Variants in GSE1 observed in about 807,000 individuals in gnomAD.
The protein encoded by GSE1 is genetic suppressor element 1.
GSE1 carries 32 observed loss-of-function variants against 112.6 expected under a neutral mutation model. That is an observed-to-expected ratio of 0.28 (90% CI 0.21 to 0.38). The LOEUF (loss-of-function observed/expected upper bound fraction) is 0.38, where lower values mean the gene tolerates loss of function less well. GSE1 is among the 10% of genes least tolerant of loss of function. GSE1 has a pLI of 1.00. For synonymous variants in GSE1, 1,115 were observed against 735.6 expected (o/e 1.52, Z -8.35); for missense variants, 2,348 against 1,699.2 (o/e 1.38, Z -6.71).
chr16:85,272,942 A>G (rs1044404857), intron 1 of GSE1, among the ~76,000 whole-genome samples: 3 of 152,040 alleles, frequency 2.0e-5, no homozygotes, highest in African/African-American at 7.2e-5. Context: ...ATGCCCGGCT[A>G]ACTTTGTATT....
intron 2 of GSE1, among the ~76,000 whole-genome samples, chr16:85,637,086 G>C (rs1201147384): frequency 1.3e-5 from 2 of 152,216 alleles, no homozygotes; most frequent in Admixed American, 6.5e-5. Flanking sequence ...GCATGATTTG[G>C]TGATTTTCCT....
At chr16:85,365,947 G>A (rs1009959920) in intron 2 of GSE1, among the ~76,000 whole-genome samples, 2 of 152,242 alleles carry the variant, frequency 1.3e-5, no homozygotes, top group Admixed American at 1.3e-4. Context: ...GGGGTTTCAA[G>A]AATCAGAGTC....
chr16:85,302,387 G>C (rs1467711025), intron 1 of GSE1, among the ~76,000 whole-genome samples: 1 of 151,946 alleles, frequency 6.6e-6, no homozygotes, highest in African/African-American at 2.4e-5. Flanking sequence ...GGACCCTAAT[G>C]AATCTCTTGT....
At chr16:85,410,580 T>C (rs1446346589) in intron 2 of GSE1, among the ~76,000 whole-genome samples, 2 of 8,968 alleles carry the variant, frequency 2.2e-4, no homozygotes, top group Non-Finnish European at 2.0e-4. Context: ...TAATCCTCGC[T>C]GTTACACTCA....
intron 1 of GSE1, among the ~76,000 whole-genome samples, chr16:85,266,286 A>C (rs187489634): frequency 6.6e-6 from 1 of 152,262 alleles, no homozygotes; most frequent in South Asian, 2.1e-4. Flanking sequence ...TCTAGCAATG[A>C]GCGAGCTTGA....
intron 2 of GSE1, among the ~76,000 whole-genome samples, chr16:85,480,012 G>C (rs2050621915): frequency 6.6e-6 from 1 of 152,226 alleles, no homozygotes; most frequent in African/African-American, 2.4e-5. Context: ...CGGCCATGAT[G>C]CACGACGGGT....
At chr16:85,455,736 C>G (rs1272935342) in intron 2 of GSE1, among the ~76,000 whole-genome samples, 5 of 152,246 alleles carry the variant, frequency 3.3e-5, no homozygotes, top group African/African-American at 1.2e-4. Flanking sequence ...TTGGGGAGTT[C>G]TGCTCTCAGT....
At chr16:85,361,224 G>A (rs1255455962) in intron 2 of GSE1, among the ~76,000 whole-genome samples, 2 of 109,628 alleles carry the variant, frequency 1.8e-5, no homozygotes. Flanking sequence ...GACGCACACG[G>A]GGCAGAGACA....
At chr16:85,564,356 A>G (rs2045648856) in intron 1 of GSE1, among the ~76,000 whole-genome samples, 1 of 152,182 alleles carries the variant, frequency 6.6e-6, no homozygotes, top group Admixed American at 6.5e-5. Context: ...GGAGCTGGGC[A>G]TGGGGCCATC....
At chr16:85,315,882 G>A (rs1025466200) in intron 1 of GSE1, among the ~76,000 whole-genome samples, 2 of 152,210 alleles carry the variant, frequency 1.3e-5, no homozygotes, top group African/African-American at 4.8e-5. Context: ...GACCAAGCAA[G>A]TGTATCCGCT....
chr16:85,609,397 C>T (rs1049632424), upstream of GSE1, among the ~76,000 whole-genome samples: 1 of 152,246 alleles, frequency 6.6e-6, no homozygotes, highest in Non-Finnish European at 1.5e-5. Flanking sequence ...TCACACCCAG[C>T]TAACCCTGGC....
intron 2 of GSE1, among the ~76,000 whole-genome samples, chr16:85,457,676 A>G (rs2049865584): frequency 6.6e-6 from 1 of 152,166 alleles, no homozygotes; most frequent in African/African-American, 2.4e-5. Flanking sequence ...CCCAGGAAGG[A>G]GACTTGGGGG....
chr16:85,657,694 C>G (rs994712160), intron 8 of GSE1, 90 bp downstream of exon 8: 1 of 818,086 alleles, frequency 1.2e-6, no homozygotes, highest in South Asian at 2.1e-5. Flanking sequence ...GCCCAACATC[C>G]TGCCCCAGCG....
chr16:85,608,997 C>A (rs1319703489), upstream of GSE1, among the ~76,000 whole-genome samples: 1 of 152,220 alleles, frequency 6.6e-6, no homozygotes, highest in Non-Finnish European at 1.5e-5. Context: ...CCAGAAAGAA[C>A]GTGTCCGGGA....
At chr16:85,185,866 G>A (rs912465776) in intron 1 of GSE1, among the ~76,000 whole-genome samples, 1 of 152,248 alleles carries the variant, frequency 6.6e-6, no homozygotes, top group Non-Finnish European at 1.5e-5. Context: ...TGCGGGGGCT[G>A]GGAGGGCCGT....
At chr16:85,188,894 C>G (rs1446167447) in intron 1 of GSE1, among the ~76,000 whole-genome samples, 1 of 152,010 alleles carries the variant, frequency 6.6e-6, no homozygotes, top group Non-Finnish European at 1.5e-5. Context: ...ATTCACCTTT[C>G]TTAACCCTCA....
chr16:85,656,790 G>A (rs755913972), intron 7 of GSE1, 125 bp downstream of exon 7: 26 of 1,329,082 alleles, frequency 2.0e-5, no homozygotes, highest in Admixed American at 1.4e-4. Context: ...CCCTAAAAGC[G>A]TGGTGTGGCT....
intron 1 of GSE1, among the ~76,000 whole-genome samples, chr16:85,252,706 GA>G (rs1367588029): frequency 6.6e-6 from 1 of 152,220 alleles, no homozygotes; most frequent in Non-Finnish European, 1.5e-5. Flanking sequence ...GCAAAGCTTT[GA>G]ACCCTTGAGC....
chr16:85,504,770 G>C (rs575966859), intron 2 of GSE1, among the ~76,000 whole-genome samples: 75 of 152,268 alleles, frequency 4.9e-4, no homozygotes, highest in African/African-American at 1.4e-3. Context: ...AACCCATCTG[G>C]GAATTTTTAA....
Sources: gnomAD v4.1 joint callset for allele counts (sites outside exome capture counted in the v4.1 genomes callset) on GRCh38, gnomAD v4.1.1 for gene constraint, MANE v1.5 for transcripts, NCBI Gene and HGNC (gene_info 2026-07-23, HGNC 2026-07-21) for gene names.